The following CAST variants were observed in gnomAD, a reference collection of about 807,000 sequenced individuals.
The protein encoded by CAST is calpastatin, also known as MIR583 host.
A neutral mutation model predicts 119.6 loss-of-function variants in CAST; 76 were observed. The ratio of observed to expected loss-of-function variants is 0.64; its 90% CI spans 0.53 to 0.77. The LOEUF is 0.77. Ranked by LOEUF, CAST falls within the 30% of genes least tolerant of loss-of-function variation. CAST has a pLI of 0.00. For missense variants in CAST, 953 were observed against 946.5 expected, an observed-to-expected ratio of 1.01 and a Z score of -0.09; for synonymous variants, 319 against 331.6, an observed-to-expected ratio of 0.96 and a Z score of 0.41.
chr5:96,710,756 A>G (rs990916067), intron 3 of CAST, among the ~76,000 whole-genome samples: 1 of 152,118 alleles, frequency 6.6e-6, no homozygotes, highest in Non-Finnish European at 1.5e-5. Context: ...TCCCCCAGCA[A>G]TATTATAAAA....
intron 1 of CAST, among the ~76,000 whole-genome samples, chr5:96,637,006 C>T (rs1330722992): frequency 6.6e-6 from 1 of 152,172 alleles, no homozygotes; most frequent in Admixed American, 6.5e-5. Flanking sequence ...AGTCCCCCCT[C>T]TGGGGTTCCC....
the CAST span, among the ~76,000 whole-genome samples, chr5:96,235,468 T>C: frequency 6.6e-6 from 1 of 152,198 alleles, no homozygotes; most frequent in African/African-American, 2.4e-5. Context: ...AAATAGGAGC[T>C]GTGGCGAGGA....
intron 1 of CAST, among the ~76,000 whole-genome samples, chr5:96,539,974 A>G (rs1284789245): frequency 6.6e-6 from 1 of 151,954 alleles, no homozygotes; most frequent in Non-Finnish European, 1.5e-5. Flanking sequence ...TTGGTGGCTT[A>G]TTGGACATAG....
chr5:96,359,792 A>C, the CAST span, among the ~76,000 whole-genome samples: 1 of 152,136 alleles, frequency 6.6e-6, no homozygotes. Context: ...CACCTTTGTG[A>C]ATCTGAAGAT....
At chr5:96,761,364 T>TTTAG (rs1767891377) in intron 24 of CAST, 1 of 152,216 alleles carries the variant, frequency 6.6e-6, no homozygotes, top group Non-Finnish European at 1.5e-5. Flanking sequence ...ACATTTTGGA[T>TTTAG]TACCTAAAAT....
intron 1 of CAST, among the ~76,000 whole-genome samples, chr5:96,655,654 A>G (rs1748148939): frequency 6.6e-6 from 1 of 152,256 alleles, no homozygotes; most frequent in Admixed American, 6.5e-5. Context: ...AGCTCATCTT[A>G]GTAGTAGGCA....
At chr5:96,740,167 A>G (rs1211626750) in intron 12 of CAST, 49 bp downstream of exon 12, 4 of 841,004 alleles carry the variant, frequency 4.8e-6, no homozygotes, top group South Asian at 4.7e-5. Flanking sequence ...CTCTTTAGAA[A>G]ATAATTTCAT....
the CAST span, among the ~76,000 whole-genome samples, chr5:96,253,967 A>G: frequency 6.6e-6 from 1 of 151,976 alleles, no homozygotes; most frequent in African/African-American, 2.4e-5. Context: ...GTGGTTAAAA[A>G]AAAAGAGAGA....
intron 9 of CAST, among the ~76,000 whole-genome samples, chr5:96,734,956 G>A (rs1761320935): frequency 6.6e-6 from 1 of 152,110 alleles, no homozygotes; most frequent in East Asian, 1.9e-4. Flanking sequence ...TAGAAAGATA[G>A]TGGGGAGAGA....
chr5:96,592,211 CT>C (rs1313481027), intron 1 of CAST, among the ~76,000 whole-genome samples: 1 of 151,938 alleles, frequency 6.6e-6, no homozygotes, highest in Non-Finnish European at 1.5e-5. Context: ...AGCCTGGCCT[CT>C]AGCAGAGACC....
upstream of CAST, among the ~76,000 whole-genome samples, chr5:96,660,540 C>A (rs1227209862): frequency 6.6e-6 from 1 of 152,148 alleles, no homozygotes; most frequent in Non-Finnish European, 1.5e-5. Flanking sequence ...TGGAAAATAA[C>A]CTCAAACTCT....
chr5:96,707,488 G>T (rs2150343239), intron 3 of CAST, among the ~76,000 whole-genome samples: 1 of 152,074 alleles, frequency 6.6e-6, no homozygotes, highest in South Asian at 2.1e-4. Context: ...CTGGGTTCAA[G>T]CAATTCTCCT....
the CAST span, among the ~76,000 whole-genome samples, chr5:96,414,291 A>G: frequency 6.6e-6 from 1 of 152,178 alleles, no homozygotes; most frequent in Non-Finnish European, 1.5e-5. Context: ...GCAGCCACCA[A>G]TCCACAGGCT....
At chr5:96,062,990 AG>A in the CAST span, among the ~76,000 whole-genome samples, 1 of 152,126 alleles carries the variant, frequency 6.6e-6, no homozygotes, top group Non-Finnish European at 1.5e-5. Context: ...TCTTGACACC[AG>A]CTGCCCCACT....
the CAST span, among the ~76,000 whole-genome samples, chr5:96,490,717 C>A: frequency 6.6e-6 from 1 of 151,830 alleles, no homozygotes; most frequent in Non-Finnish European, 1.5e-5. Flanking sequence ...TAAATCTGAA[C>A]CTCCTACCTG....
At chr5:96,029,649 C>T in the CAST span, among the ~76,000 whole-genome samples, 1 of 151,500 alleles carries the variant, frequency 6.6e-6, no homozygotes, top group South Asian at 2.1e-4. Context: ...TCTTTTTTTT[C>T]CAAACGTTAA....
At chr5:96,580,221 C>T (rs998279684) in intron 1 of CAST, among the ~76,000 whole-genome samples, 9 of 152,042 alleles carry the variant, frequency 5.9e-5, no homozygotes, top group African/African-American at 2.2e-4. Context: ...ATATTAATTT[C>T]CCCAGAAACT....
chr5:96,272,337 C>T, the CAST span, among the ~76,000 whole-genome samples: 2 of 152,114 alleles, frequency 1.3e-5, no homozygotes, highest in African/African-American at 2.4e-5. Context: ...GCACTATTCA[C>T]GATAGCCAAA....
intron 10 of CAST, 66 bp from the exon 11 acceptor site, chr5:96,737,783 G>A (rs1010912670): frequency 3.4e-6 from 3 of 870,136 alleles, no homozygotes; most frequent in Admixed American, 2.4e-5. Context: ...GGCTTTTTTT[G>A]TAGTTAAACT....
Sources: gnomAD v4.1 joint callset for allele counts (sites outside exome capture counted in the v4.1 genomes callset) on GRCh38, gnomAD v4.1.1 for gene constraint, MANE v1.5 for transcripts, NCBI Gene and HGNC (gene_info 2026-07-23, HGNC 2026-07-21) for gene names.